The following MAEA variants were observed in gnomAD, a reference collection of about 807,000 sequenced individuals.
MAEA encodes the protein macrophage erythroblast attacher, E3 ubiquitin ligase.
MAEA carries 22 observed loss-of-function variants against 46.2 expected under a neutral mutation model. The observed-to-expected ratio is 0.48, with a 90% confidence interval of 0.34 to 0.68. The LOEUF (loss-of-function observed/expected upper bound fraction) is 0.68, where lower values mean the gene tolerates loss of function less well. Ranked by LOEUF, MAEA falls within the 30% of genes least tolerant of loss-of-function variation. MAEA has a pLI of 0.01. For missense variants in MAEA, 393 were observed against 558.1 expected, an observed-to-expected ratio of 0.70 and a Z score of 2.98; for synonymous variants, 246 against 222.6, an observed-to-expected ratio of 1.11 and a Z score of -0.94.
intron 1 of MAEA, chr4:1,309,813 C>T (rs961168159): frequency 5.1e-6 from 7 of 1,380,838 alleles, no homozygotes; most frequent in South Asian, 1.6e-5. Flanking sequence ...GGGTTCCTGT[C>T]TGCAGCACAC....
intron 3 of MAEA, among the ~76,000 whole-genome samples, chr4:1,319,438 A>T (rs1013730443): frequency 6.6e-6 from 1 of 152,198 alleles, no homozygotes; most frequent in Non-Finnish European, 1.5e-5. Context: ...TTGACGTACG[A>T]GCCTGCTGCC....
At position 1,322,479 on chromosome 4, in the gene MAEA, C is replaced by G. The variant is rs2108959089; in HGVS notation, c.555C>G (p.Asn185Lys). The change falls in exon 4 of 9, where the codon AAC becomes AAG. Residue 185 changes from asparagine to lysine, a missense_variant. By Grantham distance (94) the Asn-to-Lys change is moderately conservative (BLOSUM62 0). This residue lies in a region of MAEA where 358 missense variants were observed against 537.9 expected (regional missense o/e 0.67). Coordinates refer to ENST00000303400, the MANE Select transcript of MAEA (RefSeq NM_001017405.3). ...CCTGCCTGGCCTGGTGCCATGACAA[C>G]AAGTCCCGGCTCCGGAAGATGAAGG... ...TATCLAWCHD[N>K]KSRLRKMKSC... The G allele has an allele frequency of 1.2e-6, 2 of 1,613,908 alleles. No homozygotes were observed. Among genetic ancestry groups the G allele is most frequent in the Non-Finnish European group, 1.7e-6 (2 of 1,180,008 alleles).
intron 3 of MAEA, among the ~76,000 whole-genome samples, chr4:1,318,279 G>C (rs1016237049): frequency 6.6e-6 from 1 of 152,240 alleles, no homozygotes; most frequent in African/African-American, 2.4e-5. Flanking sequence ...GGCTGCTGAA[G>C]CATGAGCTGT....
At chr4:1,298,533 C>T (rs1735006334) in intron 1 of MAEA, among the ~76,000 whole-genome samples, 1 of 152,250 alleles carries the variant, frequency 6.6e-6, no homozygotes, top group South Asian at 2.1e-4. Flanking sequence ...GTTTTACCCC[C>T]ATCACAGTGC....
intron 1 of MAEA, among the ~76,000 whole-genome samples, chr4:1,302,341 T>A (rs1017285568): frequency 1.3e-5 from 2 of 152,238 alleles, no homozygotes; most frequent in Admixed American, 1.3e-4. Context: ...TCTGTGATAT[T>A]TTTGTTACAG....
At chr4:1,305,756 C>G (rs1735766310) in intron 1 of MAEA, among the ~76,000 whole-genome samples, 1 of 128,240 alleles carries the variant, frequency 7.8e-6, no homozygotes, top group Non-Finnish European at 1.9e-5. Flanking sequence ...TGCGTGCGTG[C>G]ACGTGCGCAC....
intron 7 of MAEA, chr4:1,337,381 T>C (rs551250625): frequency 1.4e-4 from 38 of 270,420 alleles, no homozygotes; most frequent in South Asian, 1.2e-3. Context: ...CTGTCCCACC[T>C]GTGACCGACT....
At chr4:1,321,948 G>T (rs1738181903) in intron 3 of MAEA, among the ~76,000 whole-genome samples, 1 of 148,522 alleles carries the variant, frequency 6.7e-6, no homozygotes, top group South Asian at 2.1e-4. Context: ...ATGTGTTTAT[G>T]TATTATTTAG....
At chr4:1,323,149 G>A (rs1018618624) in intron 4 of MAEA, among the ~76,000 whole-genome samples, 4 of 151,742 alleles carry the variant, frequency 2.6e-5, no homozygotes, top group Admixed American at 1.3e-4. Flanking sequence ...ATTTCACCAC[G>A]TTGGCCAGGA....
At chr4:1,304,735 G>A (rs540268814) in intron 1 of MAEA, among the ~76,000 whole-genome samples, 1 of 152,114 alleles carries the variant, frequency 6.6e-6, no homozygotes, top group Non-Finnish European at 1.5e-5. Flanking sequence ...CACCACGCCC[G>A]GCCCCTGGTA....
intron 3 of MAEA, among the ~76,000 whole-genome samples, chr4:1,321,580 G>A (rs906941570): frequency 3.9e-5 from 6 of 152,174 alleles, no homozygotes; most frequent in African/African-American, 1.2e-4. Context: ...ACGTGGGGCT[G>A]TGGGACCCAA....
At chr4:1,336,062 C>T (rs1409380609) in intron 6 of MAEA, among the ~76,000 whole-genome samples, 1 of 143,856 alleles carries the variant, frequency 7.0e-6, no homozygotes, top group East Asian at 2.1e-4. Context: ...GTGTTGAAAT[C>T]ACAGAGTTAA....
chr4:1,337,132 G>A (rs1421915257), intron 7 of MAEA, 138 bp downstream of exon 7: 65 of 1,079,320 alleles, frequency 6.0e-5, no homozygotes, highest in South Asian at 5.4e-4. Flanking sequence ...CTGCACTTGC[G>A]TGGTGTCTGG....
intron 1 of MAEA, among the ~76,000 whole-genome samples, chr4:1,308,327 G>A (rs1736031568): frequency 6.6e-6 from 1 of 152,180 alleles, no homozygotes; most frequent in African/African-American, 2.4e-5. Flanking sequence ...GTCGTTATGT[G>A]GTGTGTGACT....
Position 1,318,053 on chromosome 4 carries a change from C to T in MAEA, c.456+2453C>T, listed in dbSNP as rs190346801. Among the ~76,000 whole-genome samples, 441 of 152,342 alleles carry T rather than the reference C, an allele frequency of 2.9e-3. 1 individual carries two copies. The highest frequency in any genetic ancestry group is 4.2e-3 in the Non-Finnish European group (285 of 68,020). ...ACAGTGGGCCAGCACATGTCCGCTCCGGTGCCCTGTCCCACATGCCTTTCC... is the reference window on the plus strand; with the variant it reads ...ACAGTGGGCCAGCACATGTCCGCTCTGGTGCCCTGTCCCACATGCCTTTCC... On this transcript the variant is annotated intron_variant, in intron 3 of 8. Coordinates refer to ENST00000303400, the MANE Select transcript of MAEA (RefSeq NM_001017405.3).
In MAEA at chr4:1,322,510, G is replaced by A. The variant is rs570852502; in HGVS notation, c.579+7G>A. The A allele has an allele frequency of 4.3e-6, 7 of 1,613,284 alleles. No individual in the cohort carries two copies. The highest frequency in any genetic ancestry group is 1.3e-5 in the African/African-American group (1 of 75,060). ...CCGGCTCCGGAAGATGAAGGTGCAC[G>A]GACTCCCAGGTTGGGGTGGGAGTGG... On this transcript the variant is annotated splice_region_variant and intron_variant, in intron 4 of 8. Transcript: ENST00000303400.
rs753323461 is a variant in MAEA at position 1,329,506 on chromosome 4, C to G, written c.656+1803C>G. 3.0e-6 allele frequency: 3 copies of G among 985,212 alleles called. No individual in the cohort carries two copies. The South Asian group carries it at 1.4e-4, about 46-fold the overall frequency. The allele number at this position is 985,212 out of a possible 1,614,324, so 61.0% of individuals were successfully genotyped here. ...TCCCGCAAGCAGACACGTGCTGCCT[C>G]GAAGCCTCAGCAGCCAGCCGGGCAG... On this transcript the variant is annotated intron_variant, in intron 5 of 8. Transcript: ENST00000303400.
chr4:1,316,622 C>T (rs1377763356), intron 3 of MAEA, among the ~76,000 whole-genome samples: 1 of 152,114 alleles, frequency 6.6e-6, no homozygotes, highest in Non-Finnish European at 1.5e-5. Context: ...CCCACCTCCT[C>T]CCTGCTTCTG....
intron 1 of MAEA, among the ~76,000 whole-genome samples, chr4:1,306,600 C>T (rs1158271317): frequency 6.6e-6 from 1 of 152,172 alleles, no homozygotes; most frequent in Non-Finnish European, 1.5e-5. Flanking sequence ...CAGATGGAAG[C>T]CCTTTGTCAG....
Sources: allele counts gnomAD v4.1 joint callset (sites outside exome capture counted in the v4.1 genomes callset), GRCh38; gene constraint gnomAD v4.1.1; regional missense constraint gnomAD v4.1.1; transcripts MANE v1.5; gene names NCBI Gene and HGNC (gene_info 2026-07-23, HGNC 2026-07-21).